Variants in WDR76 observed in about 807,000 individuals in gnomAD.
The protein encoded by WDR76 is WD repeat-containing protein 76.
Under a neutral mutation model 70.2 loss-of-function variants are expected in WDR76, and 52 were observed. That is an observed-to-expected ratio of 0.74 (90% confidence interval 0.59 to 0.93). WDR76 has a LOEUF of 0.93. WDR76 is among the 40% of genes least tolerant of loss of function. The probability of loss-of-function intolerance (pLI) is 0.00; values close to 1 mark genes in which losing one functional copy is unlikely to be tolerated. For missense variants in WDR76, 756 were observed against 760.2 expected, an observed-to-expected ratio of 0.99 and a Z score of 0.07; for synonymous variants, 292 against 271.1, an observed-to-expected ratio of 1.08 and a Z score of -0.76.
chr15:43,867,583 C>G lies in WDR76; in HGVS notation c.*1191C>G, dbSNP rs1363438583. 4.0e-5 allele frequency: 6 copies of G among 150,288 alleles called. No individual in the cohort carries two copies. The highest frequency in any genetic ancestry group is 6.6e-5 in the Admixed American group (1 of 15,134). 9.3% of individuals were successfully genotyped at this position (150,288 alleles called of 1,614,324 possible). A position where few individuals can be genotyped will look rare whatever the true frequency, so the allele number is the denominator to read the frequency against. ...ATATATATATATATATATTTTATTACTATAGTACCATGGGTAATGGATAAA... is the reference window on the plus strand; with the variant it reads ...ATATATATATATATATATTTTATTAGTATAGTACCATGGGTAATGGATAAA... On this transcript the variant is annotated 3_prime_UTR_variant, in exon 13 of 13. Transcript: ENST00000263795.
At chr15:43,836,086 A>C in intron 3 of WDR76, 75 bp from the exon 4 acceptor site, 1 of 1,352,140 alleles carries the variant, frequency 7.4e-7, no homozygotes, top group Non-Finnish European at 1.0e-6. Flanking sequence ...GTGTGGGTAT[A>C]GTAGCAGATG....
At chr15:43,859,395 A>G (rs2087969578) in intron 11 of WDR76, among the ~76,000 whole-genome samples, 1 of 152,242 alleles carries the variant, frequency 6.6e-6, no homozygotes, top group African/African-American at 2.4e-5. Context: ...ACATTAGTGT[A>G]ATCACAAAGG....
chr15:43,840,244 T>C (rs1253640024), intron 5 of WDR76, among the ~76,000 whole-genome samples: 1 of 152,072 alleles, frequency 6.6e-6, no homozygotes, highest in Non-Finnish European at 1.5e-5. Flanking sequence ...CTGCTTAGGA[T>C]TGTGGGTGAG....
In WDR76 at chr15:43,842,510, G is replaced by A. The variant is rs771304206; in HGVS notation, c.828G>A (p.Met276Ile). The change falls in exon 6 of 13, where the codon ATG (methionine) becomes ATA (isoleucine). Residue 276 changes from methionine to isoleucine, a missense_variant. Transcript: ENST00000263795. ...FKGFLHTWAG[M>I]SKPSSKNTEK... is the part of the protein sequence containing the mutation. ...GATTTCTGCACACATGGGCAGGAAT[G>A]AGCAAGGTATCACTTGGGAAGGCCA... 9 of 1,613,602 alleles carry A rather than the reference G, an allele frequency of 5.6e-6. No individual in the cohort carries two copies.
At chr15:43,834,557 C>A (rs1348673669) in intron 2 of WDR76, among the ~76,000 whole-genome samples, 1 of 151,614 alleles carries the variant, frequency 6.6e-6, no homozygotes, top group Non-Finnish European at 1.5e-5. Flanking sequence ...GGTGATCTGC[C>A]CACTTCGGCC....
intron 5 of WDR76, among the ~76,000 whole-genome samples, chr15:43,840,341 TTAAA>T (rs1304728733): frequency 6.6e-6 from 1 of 151,820 alleles, no homozygotes; most frequent in Non-Finnish European, 1.5e-5. Context: ...TTATGTCAGT[TTAAA>T]AAAAAAACCT....
intron 2 of WDR76, among the ~76,000 whole-genome samples, chr15:43,831,402 G>C (rs533526371): frequency 6.6e-6 from 1 of 152,060 alleles, no homozygotes; most frequent in South Asian, 2.1e-4. Flanking sequence ...GCCTCCCAAA[G>C]TGCTGGGATT....
chr15:43,840,608 C>G (rs918878527), intron 5 of WDR76, among the ~76,000 whole-genome samples: 5 of 152,066 alleles, frequency 3.3e-5, no homozygotes, highest in African/African-American at 4.8e-5. Context: ...GTTTTGGGAG[C>G]AAATTGCAAA....
rs561115851 is a variant in WDR76, at chr15:43,847,100, G to T, written c.1032+3046G>T. Among the ~76,000 whole-genome samples the T allele has an allele frequency of 7.3e-4, 109 of 150,292 alleles. 2 individuals carry two copies. In the South Asian group the frequency reaches 0.023, roughly 31 times the overall value. On this transcript the variant is annotated intron_variant, in intron 8 of 12. Transcript: ENST00000263795. ...TATCTCCATCAACCTAATTTTCCAG[G>T]ACATTTGGCAATCTCATTAACAGAT...
chr15:43,855,229 T>G (rs1182446817), intron 9 of WDR76, among the ~76,000 whole-genome samples: 1 of 152,242 alleles, frequency 6.6e-6, no homozygotes. Context: ...TACCTTATAC[T>G]AGGCACTATC....
At chr15:43,839,282 C>T (rs2087693421) in intron 4 of WDR76, among the ~76,000 whole-genome samples, 1 of 152,126 alleles carries the variant, frequency 6.6e-6, no homozygotes, top group South Asian at 2.1e-4. Context: ...TTTTTGTATA[C>T]ATGTACTGGA....
chr15:43,836,066 C>A (rs2087652029), intron 3 of WDR76, 95 bp from the exon 4 acceptor site: 4 of 1,113,206 alleles, frequency 3.6e-6, no homozygotes, highest in Admixed American at 2.8e-5. Flanking sequence ...CCTGAATAGA[C>A]CTTAGTTTAG....
At position 43,849,712 on chromosome 15, in the gene WDR76, A is replaced by G. The variant is rs567914985; in HGVS notation, c.1033-1375A>G. Among the ~76,000 whole-genome samples, 14 of 152,078 alleles carry G rather than the reference A, an allele frequency of 9.2e-5. No individual in the cohort carries two copies. In the South Asian group the frequency reaches 2.5e-3, roughly 27 times the overall value. On this transcript the variant is annotated intron_variant, in intron 8 of 12. Coordinates refer to ENST00000263795, the MANE Select transcript of WDR76 (RefSeq NM_024908.4). ...GCCACCACGCCCGGCTAATTTTTGT[A>G]TTTTTAGTAGAGACGGGGTTTCACC...
intron 12 of WDR76, among the ~76,000 whole-genome samples, chr15:43,861,603 G>A (rs1246045962): frequency 6.6e-6 from 1 of 152,200 alleles, no homozygotes; most frequent in Non-Finnish European, 1.5e-5. Context: ...GTCAGTAGCT[G>A]TTCTCTGCAG....
chr15:43,839,583 G>A lies in WDR76; in HGVS notation c.609-22G>A, dbSNP rs745488910. The A allele has an allele frequency of 3.1e-6, 5 of 1,592,950 alleles. No individual in the cohort carries two copies. In the Admixed American group the frequency reaches 7.2e-5, roughly 23 times the overall value. On this transcript the variant is annotated intron_variant, in intron 4 of 12. Coordinates refer to ENST00000263795, the MANE Select transcript of WDR76 (RefSeq NM_024908.4). ...TTTTATTGTTTTGTGAGTATAACAT[G>A]AGTTTTTCCCCACTCCTTTAGAAAG...
In WDR76 at chr15:43,851,640, A is replaced by G. The variant is rs570977503; in HGVS notation, c.1191+395A>G. 2.6e-5 allele frequency among the ~76,000 whole-genome samples: 4 copies of G among 152,318 alleles called. No homozygotes were observed. In the South Asian group the frequency reaches 8.3e-4, roughly 32 times the overall value. ...ACTTACTCTTCTGTTTTTAGGCATA[A>G]GACTTGTATTTAGCTGGGTGTGGTG... On this transcript the variant is annotated intron_variant, in intron 9 of 12. Coordinates refer to ENST00000263795, the MANE Select transcript of WDR76 (RefSeq NM_024908.4).
rs774710841 is a variant in WDR76 at position 43,828,228 on chromosome 15, G to C, written c.324G>C (p.Thr108=). Reference sequence around the variant, plus strand: ...ACACATCTTCCAAGGCAGAATCCACGCTGCAAAATTCATCCTCAGCTGTTC... The same window carrying C: ...ACACATCTTCCAAGGCAGAATCCACCCTGCAAAATTCATCCTCAGCTGTTC... The part of the protein sequence containing the change: ...MKNTSSKAES[T]LQNSSSAVHT... Residue 108 remains threonine, a synonymous_variant, in exon 2 of 13, where the codon ACG becomes ACC. Transcript: ENST00000263795. 6.2e-7 allele frequency: 1 copy of C among 1,614,134 alleles called. No individual in the cohort carries two copies. The highest frequency in any genetic ancestry group is 1.1e-5 in the South Asian group (1 of 91,086).
Position 43,866,285 on chromosome 15 carries a change from C to T in WDR76, c.1774C>T (p.Leu592Phe), listed in dbSNP as rs745752918. The T allele has an allele frequency of 2.0e-5, 32 of 1,613,942 alleles. No individual in the cohort carries two copies. The South Asian group carries it at 3.5e-4, about 18-fold the overall frequency. Residue 592 changes from leucine (L) to phenylalanine (F), a missense_variant, in exon 13 of 13, where the codon CTT becomes TTT. By Grantham distance (22) the Leu-to-Phe change is conservative. Coordinates refer to ENST00000263795, the MANE Select transcript of WDR76 (RefSeq NM_024908.4). Reference protein sequence around the residue: ...KRVHSFGGEYLVSVCSINAMH... With the variant: ...KRVHSFGGEYFVSVCSINAMH... ...GGTGCATTCGTTTGGTGGAGAATAC[C>T]TTGTCTCTGTGTGTTCCATCAATGC...
rs1447700877 is a variant in WDR76, at chr15:43,851,108, G to A, written c.1054G>A (p.Gly352Arg). The change falls in exon 9 of 13, where the codon GGA becomes AGA. Residue 352 changes from glycine (G) to arginine (R), a missense_variant. Physicochemically the swap from Gly to Arg is moderately radical, Grantham distance 125 (BLOSUM62 -2). Transcript: ENST00000263795. ...CCAGACCCAGCAACCTAAAGAAGATGGAGTTTATGTTTTTCATCCCCATAG... is the reference window on the plus strand; with the variant it reads ...CCAGACCCAGCAACCTAAAGAAGATAGAGTTTATGTTTTTCATCCCCATAG... ...CDLTQQPKED[G>R]VYVFHPHSQP... 4 of 1,614,112 alleles carry A rather than the reference G, an allele frequency of 2.5e-6. No individual in the cohort carries two copies. The African/African-American group carries it at 5.3e-5, about 22-fold the overall frequency.
Sources: allele counts gnomAD v4.1 joint callset (sites outside exome capture counted in the v4.1 genomes callset), GRCh38; gene constraint gnomAD v4.1.1; transcripts MANE v1.5; gene names NCBI Gene and HGNC (gene_info 2026-07-23, HGNC 2026-07-21).